Variants in IL36B observed in about 807,000 individuals in gnomAD.
IL36B encodes the protein interleukin 36 beta.
IL36B carries 23 observed loss-of-function variants against 19.3 expected under a neutral mutation model. The observed-to-expected ratio is 1.19, with a 90% CI of 0.86 to 1.69. IL36B has a LOEUF of 1.69. Among genes scored for constraint, IL36B ranks in the 40% most tolerant of loss-of-function variants. The pLI is 0.00. For missense variants in IL36B, 217 were observed against 200.5 expected (o/e 1.08, Z -0.50); for synonymous variants, 59 against 59.7 (o/e 0.99, Z 0.05).
At chr2:113,024,369 C>CGT (rs953986289) in intron 5 of IL36B, among the ~76,000 whole-genome samples, 1 of 152,082 alleles carries the variant, frequency 6.6e-6, no homozygotes, top group South Asian at 2.1e-4. Context: ...TATTCTATTT[C>CGT]GTGTGTGTGT....
intron 3 of IL36B, among the ~76,000 whole-genome samples, chr2:113,029,770 T>G (rs1685039525): frequency 6.6e-6 from 1 of 152,060 alleles, no homozygotes; most frequent in Non-Finnish European, 1.5e-5. Context: ...GTAGGGGTGA[T>G]TCATCAATGC....
At chr2:113,030,647 T>C (rs191403743) in intron 3 of IL36B, among the ~76,000 whole-genome samples, 1 of 152,322 alleles carries the variant, frequency 6.6e-6, no homozygotes, top group Non-Finnish European at 1.5e-5. Context: ...TATTTCCCCA[T>C]TATTAGAAAA....
chr2:113,022,657 T>A lies in IL36B; in HGVS notation c.*17A>T. On this transcript the variant is annotated 3_prime_UTR_variant, in exon 6 of 6. Transcript: ENST00000259213. The stretch of plus-strand genomic sequence containing the variant: ...CACTCAAAGATTGTAGAGATGGGAA[T>A]CTTCCTCCCCTTATTTCTACATCCT... The A allele has an allele frequency of 6.8e-7, 1 of 1,461,820 alleles. No individual in the cohort carries two copies. The highest frequency in any genetic ancestry group is 9.6e-7 in the Non-Finnish European group (1 of 1,041,274). 90.6% of individuals were successfully genotyped at this position (1,461,820 alleles called of 1,614,324 possible).
chr2:113,023,430 T>C (rs1206278414), intron 5 of IL36B, among the ~76,000 whole-genome samples: 1 of 152,242 alleles, frequency 6.6e-6, no homozygotes, highest in Non-Finnish European at 1.5e-5. Flanking sequence ...CACACTGCTA[T>C]TATAGGCATA....
chr2:113,024,544 AG>A (rs1489948237), intron 5 of IL36B, among the ~76,000 whole-genome samples: 3 of 152,194 alleles, frequency 2.0e-5, no homozygotes, highest in East Asian at 3.9e-4. Flanking sequence ...ATTTAAGCAA[AG>A]AACATCACAG....
chr2:113,052,484 C>A (rs556340982), intron 1 of IL36B, among the ~76,000 whole-genome samples: 1 of 152,144 alleles, frequency 6.6e-6, no homozygotes, highest in African/African-American at 2.4e-5. Context: ...CTCTAATTTT[C>A]GTTTTGTCTT....
intron 1 of IL36B, among the ~76,000 whole-genome samples, chr2:113,050,620 T>C (rs1467828485): frequency 2.6e-5 from 4 of 152,162 alleles, no homozygotes; most frequent in Non-Finnish European, 4.4e-5. Flanking sequence ...ATTATGTATA[T>C]CTTACCACAT....
intron 3 of IL36B, among the ~76,000 whole-genome samples, chr2:113,029,848 A>G (rs934925146): frequency 1.3e-5 from 2 of 152,214 alleles, no homozygotes; most frequent in Non-Finnish European, 2.9e-5. Context: ...GAGGAACGCC[A>G]TCATTTGGAG....
chr2:113,024,815 T>C (rs1562303), intron 5 of IL36B, among the ~76,000 whole-genome samples: 13,896 of 152,226 alleles, frequency 0.091, 1,973 homozygotes, highest in African/African-American at 0.3. Flanking sequence ...ATAGATTCTT[T>C]CTGCACATTT....
chr2:113,039,283 C>T (rs1161917199), intron 1 of IL36B, among the ~76,000 whole-genome samples: 1 of 152,142 alleles, frequency 6.6e-6, no homozygotes, highest in Non-Finnish European at 1.5e-5. Flanking sequence ...CCCAGGGTGT[C>T]CCAGTCACAA....
At chr2:113,030,252 T>C (rs908464491) in intron 3 of IL36B, among the ~76,000 whole-genome samples, 1 of 147,918 alleles carries the variant, frequency 6.8e-6, no homozygotes, top group Non-Finnish European at 1.5e-5. Flanking sequence ...AGGGAGAAGA[T>C]GTAGAGTATT....
At chr2:113,045,321 A>G (rs1685331471) in intron 1 of IL36B, among the ~76,000 whole-genome samples, 1 of 152,086 alleles carries the variant, frequency 6.6e-6, no homozygotes. Context: ...ATTGATTCTG[A>G]CAAAAAATCT....
intron 5 of IL36B, among the ~76,000 whole-genome samples, chr2:113,025,266 T>C (rs1398682385): frequency 1.3e-5 from 2 of 152,180 alleles, no homozygotes; most frequent in Non-Finnish European, 2.9e-5. Flanking sequence ...GAGCAGCCTT[T>C]CTATGTTTTT....
At chr2:113,044,027 T>C (rs1020197740) in intron 1 of IL36B, among the ~76,000 whole-genome samples, 8 of 152,218 alleles carry the variant, frequency 5.3e-5, no homozygotes, top group Non-Finnish European at 1.2e-4. Flanking sequence ...TTGACTGGGA[T>C]TGTATTGGAT....
At chr2:113,036,661 T>A (rs1312222227) in intron 1 of IL36B, among the ~76,000 whole-genome samples, 1 of 152,210 alleles carries the variant, frequency 6.6e-6, no homozygotes, top group Non-Finnish European at 1.5e-5. Flanking sequence ...AATAGCTTAA[T>A]TCCTGGATAG....
At chr2:113,041,160 C>CAA (rs59180859) in intron 1 of IL36B, among the ~76,000 whole-genome samples, 2 of 143,498 alleles carry the variant, frequency 1.4e-5, no homozygotes, top group African/African-American at 5.2e-5. Flanking sequence ...TTGCCACACA[C>CAA]AAAAAAAAAG....
At chr2:113,042,357 C>T (rs1475471450) in intron 1 of IL36B, among the ~76,000 whole-genome samples, 1 of 55,106 alleles carries the variant, frequency 1.8e-5, no homozygotes, top group Non-Finnish European at 3.1e-5. Context: ...CAATAAACGG[C>T]GCAAAATATA....
intron 4 of IL36B, chr2:113,028,076 G>A (rs970927675): frequency 6.2e-7 from 1 of 1,614,132 alleles, no homozygotes; most frequent in African/African-American, 1.3e-5. Context: ...AAGGGCTTCT[G>A]TGCTTTCTTC....
At chr2:113,024,722 T>C (rs1684922408) in intron 5 of IL36B, among the ~76,000 whole-genome samples, 2 of 152,248 alleles carry the variant, frequency 1.3e-5, no homozygotes, top group South Asian at 4.1e-4. Flanking sequence ...CTTGCTCATG[T>C]TCAGTGCCCT....
Sources: allele counts gnomAD v4.1 joint callset (sites outside exome capture counted in the v4.1 genomes callset), GRCh38; gene constraint gnomAD v4.1.1; transcripts MANE v1.5; gene names NCBI Gene and HGNC (gene_info 2026-07-23, HGNC 2026-07-21).